The following CMKLR2 variants were observed in gnomAD, a reference collection of about 807,000 sequenced individuals.
CMKLR2 encodes chemerin chemokine-like receptor 2.
In CMKLR2, 18 loss-of-function variants were observed where a neutral mutation model predicts 23.0. The observed-to-expected ratio is 0.78, with a 90% CI of 0.54 to 1.16. The LOEUF (loss-of-function observed/expected upper bound fraction) is 1.16, where lower values mean the gene tolerates loss of function less well. Among genes scored for constraint, CMKLR2 ranks in the 50% most tolerant of loss-of-function variants. The probability of loss-of-function intolerance (pLI) is 0.00; values close to 1 mark genes in which losing one functional copy is unlikely to be tolerated. For missense variants in CMKLR2, 401 were observed against 412.7 expected (o/e 0.97, Z 0.25); for synonymous variants, 158 against 158.9 (o/e 0.99, Z 0.05).
intron 1 of CMKLR2, among the ~76,000 whole-genome samples, chr2:206,209,810 G>T (rs1402952102): frequency 1.3e-5 from 2 of 151,064 alleles, no homozygotes; most frequent in African/African-American, 4.9e-5. Context: ...CACGATGCCC[G>T]GCTAATTTTT....
At chr2:206,192,570 T>C (rs995246165) in intron 1 of CMKLR2, among the ~76,000 whole-genome samples, 3 of 151,762 alleles carry the variant, frequency 2.0e-5, no homozygotes. Context: ...CAAAAACTCC[T>C]TGTTTACCTT....
chr2:206,210,561 C>T (rs909401057), intron 1 of CMKLR2, among the ~76,000 whole-genome samples: 12 of 151,746 alleles, frequency 7.9e-5, no homozygotes, highest in African/African-American at 1.9e-4. Context: ...CAGGTTCAAG[C>T]GATTCTCCTG....
rs191376073 is a variant in CMKLR2 at position 206,209,528 on chromosome 2, C to G, written c.-29+3779G>C. 2.5e-3 allele frequency among the ~76,000 whole-genome samples: 377 copies of G among 152,228 alleles called. 1 individual carries two copies. The highest frequency in any genetic ancestry group is 8.8e-3 in the African/African-American group (364 of 41,550). ...CGTTAGCTATTCTTTCTGATGCTCT[C>G]TTTCCCCTAGCCCTCCCACATGCCC... On this transcript the variant is annotated intron_variant, in intron 1 of 1. Transcript: ENST00000621141.
intron 1 of CMKLR2, among the ~76,000 whole-genome samples, chr2:206,200,244 T>G (rs1217717382): frequency 6.6e-6 from 1 of 151,528 alleles, no homozygotes; most frequent in Non-Finnish European, 1.5e-5. Flanking sequence ...GGCAACACAG[T>G]GAAACCCCAT....
intron 1 of CMKLR2, among the ~76,000 whole-genome samples, chr2:206,198,956 G>A (rs558106664): frequency 6.6e-6 from 1 of 152,322 alleles, no homozygotes; most frequent in Admixed American, 6.5e-5. Context: ...GCAGTGCCCA[G>A]AACAGCTGTA....
chr2:206,187,654 G>T (rs1688623044), intron 1 of CMKLR2, among the ~76,000 whole-genome samples: 1 of 152,114 alleles, frequency 6.6e-6, no homozygotes, highest in Admixed American at 6.5e-5. Flanking sequence ...GGATAAGAAA[G>T]AAAGGACAAA....
At chr2:206,208,289 C>G (rs1689414455) in intron 1 of CMKLR2, among the ~76,000 whole-genome samples, 1 of 152,018 alleles carries the variant, frequency 6.6e-6, no homozygotes, top group Non-Finnish European at 1.5e-5. Flanking sequence ...GCCTGTAATC[C>G]CTGCCTTTTG....
At chr2:206,211,324 T>G (rs1689551998) in intron 1 of CMKLR2, among the ~76,000 whole-genome samples, 1 of 152,128 alleles carries the variant, frequency 6.6e-6, no homozygotes, top group Admixed American at 6.5e-5. Context: ...CAGTTATTTT[T>G]TGTTTTGTTT....
intron 1 of CMKLR2, among the ~76,000 whole-genome samples, chr2:206,178,577 A>C (rs548678488): frequency 6.6e-6 from 1 of 152,208 alleles, no homozygotes; most frequent in Non-Finnish European, 1.5e-5. Flanking sequence ...ATCTTATTGA[A>C]ATAATTCTTT....
chr2:206,195,755 G>C (rs1288161991), intron 1 of CMKLR2, among the ~76,000 whole-genome samples: 1 of 152,022 alleles, frequency 6.6e-6, no homozygotes, highest in Non-Finnish European at 1.5e-5. Flanking sequence ...GGGAGTTCGA[G>C]ACCAGCCTGA....
At chr2:206,208,839 T>C (rs1456632760) in intron 1 of CMKLR2, among the ~76,000 whole-genome samples, 2 of 151,896 alleles carry the variant, frequency 1.3e-5, no homozygotes, top group East Asian at 3.9e-4. Context: ...CCTGGCTAAT[T>C]CTTAAATTTT....
At chr2:206,203,175 A>G (rs1337499908) in intron 1 of CMKLR2, among the ~76,000 whole-genome samples, 1 of 151,244 alleles carries the variant, frequency 6.6e-6, no homozygotes, top group South Asian at 2.1e-4. Flanking sequence ...AAAAAAAAAA[A>G]AAATTAGCCG....
At chr2:206,199,847 G>T (rs1338539042) in intron 1 of CMKLR2, among the ~76,000 whole-genome samples, 1 of 152,000 alleles carries the variant, frequency 6.6e-6, no homozygotes, top group African/African-American at 2.4e-5. Flanking sequence ...CTCCCAAAGT[G>T]CTGGGATTAC....
chr2:206,176,755 C>T lies in CMKLR2; in HGVS notation c.493G>A (p.Ala165Thr). 2 of 1,614,088 alleles carry T rather than the reference C, an allele frequency of 1.2e-6. No homozygotes were observed. The highest frequency in any genetic ancestry group is 1.1e-5 in the South Asian group (1 of 91,082). Residue 165 changes from alanine to threonine, a missense_variant, in exon 2 of 2, where the codon GCT becomes ACT. By Grantham distance (58) the Ala-to-Thr change is moderately conservative. Coordinates refer to ENST00000621141, the MANE Select transcript of CMKLR2 (RefSeq NM_001389445.1). ...AGGGCAGGACCGCCAATTAGAGAAGCCAAAAGCCAGATGAATATAATGACA... is the reference window on the plus strand; with the variant it reads ...AGGGCAGGACCGCCAATTAGAGAAGTCAAAAGCCAGATGAATATAATGACA... The part of the protein sequence containing the change: ...LIVIIFIWLL[A>T]SLIGGPALYF...
At chr2:206,181,722 G>A (rs1395338387) in intron 1 of CMKLR2, among the ~76,000 whole-genome samples, 2 of 152,152 alleles carry the variant, frequency 1.3e-5, no homozygotes, top group Admixed American at 1.3e-4. Context: ...GGAGGCCGAG[G>A]TGGGTGAATC....
At chr2:206,189,120 T>C (rs575911694) in intron 1 of CMKLR2, among the ~76,000 whole-genome samples, 1 of 152,200 alleles carries the variant, frequency 6.6e-6, no homozygotes, top group African/African-American at 2.4e-5. Flanking sequence ...CATGGATCAC[T>C]GCAAAAATGT....
rs141366081 is a variant in CMKLR2, at chr2:206,199,129, G to A, written c.-29+14178C>T. On this transcript the variant is annotated intron_variant, in intron 1 of 1. Coordinates refer to ENST00000621141, the MANE Select transcript of CMKLR2 (RefSeq NM_001389445.1). ...AGAGAGAGGGAGGCTGGGTGCAATG[G>A]CTCACACCTGTAATCCCAGCACTTT... 8.8e-3 allele frequency among the ~76,000 whole-genome samples: 1,347 copies of A among 152,236 alleles called. 23 individuals are homozygous for A. Among genetic ancestry groups the A allele is most frequent in the African/African-American group, 0.031 (1,268 of 41,534 alleles).
At chr2:206,205,091 T>C (rs1689262535) in intron 1 of CMKLR2, among the ~76,000 whole-genome samples, 1 of 152,208 alleles carries the variant, frequency 6.6e-6, no homozygotes, top group Non-Finnish European at 1.5e-5. Context: ...GTTTGATGAA[T>C]ATATCATTTA....
chr2:206,181,750 C>T (rs1292039775), intron 1 of CMKLR2, among the ~76,000 whole-genome samples: 12 of 151,938 alleles, frequency 7.9e-5, no homozygotes, highest in Admixed American at 1.3e-4. Context: ...GTCAGGAATT[C>T]GAGACCAGCC....
Sources: gnomAD v4.1 joint callset for allele counts (sites outside exome capture counted in the v4.1 genomes callset) on GRCh38, gnomAD v4.1.1 for gene constraint, MANE v1.5 for transcripts, NCBI Gene and HGNC (gene_info 2026-07-23, HGNC 2026-07-21) for gene names.